EPHA7: variants seen among roughly 807,000 people sequenced by gnomAD.
The protein encoded by EPHA7 is EPH receptor A7, also known as ephrin type-A receptor 7.
A neutral mutation model predicts 112.6 loss-of-function variants in EPHA7; 25 were observed. That is an observed-to-expected ratio of 0.22 (90% CI 0.16 to 0.31). The LOEUF is 0.31. EPHA7 is among the 10% of genes least tolerant of loss of function. EPHA7 has a pLI of 1.00. For missense variants in EPHA7, 962 were observed against 1,212.6 expected (o/e 0.79, Z 3.07); for synonymous variants, 437 against 406.5 (o/e 1.07, Z -0.90).
chr6:93,414,820 T>C (rs920818164), intron 1 of EPHA7, 53 bp from the exon 2 acceptor site: 3 of 1,383,080 alleles, frequency 2.2e-6, no homozygotes, highest in Non-Finnish European at 3.1e-6. Context: ...TACGCACACA[T>C]GTAGACATTT....
chr6:93,353,462 C>A (rs1775794025), intron 5 of EPHA7, among the ~76,000 whole-genome samples: 1 of 151,994 alleles, frequency 6.6e-6, no homozygotes, highest in African/African-American at 2.4e-5. Flanking sequence ...TTTTTACAGG[C>A]CAAACAAAAT....
intron 5 of EPHA7, among the ~76,000 whole-genome samples, chr6:93,302,100 TCTCTTCTATAACC>T (rs1773015826): frequency 6.6e-6 from 1 of 152,130 alleles, no homozygotes; most frequent in Admixed American, 6.6e-5. Flanking sequence ...TCCTTGCTCT[TCTCTTCTATAACC>T]TTGAAAGTCT....
At position 93,358,506 on chromosome 6, in the gene EPHA7, G is replaced by T. The variant is rs866867749; in HGVS notation, c.833-95C>A. On this transcript the variant is annotated intron_variant, in intron 3 of 16. Transcript: ENST00000369303. ...TTTAGCAAGGAATCAAATATTAAAT[G>T]TGATGTATGTAAAACAAGCTCTTGA... 1.5e-4 allele frequency: 159 copies of T among 1,040,148 alleles called. No individual in the cohort carries two copies. The Middle Eastern group carries it at 2.5e-3, about 16-fold the overall frequency. 64.4% of individuals were successfully genotyped at this position (1,040,148 alleles called of 1,614,324 possible). A position where few individuals can be genotyped will look rare whatever the true frequency, so the allele number is the denominator to read the frequency against.
chr6:93,353,837 A>G (rs1009703733), intron 5 of EPHA7, among the ~76,000 whole-genome samples: 2 of 152,040 alleles, frequency 1.3e-5, no homozygotes, highest in South Asian at 2.1e-4. Context: ...CAATGGCCCT[A>G]TTCTTCCTGT....
intron 5 of EPHA7, among the ~76,000 whole-genome samples, chr6:93,308,999 A>G (rs1773398209): frequency 6.6e-6 from 1 of 151,026 alleles, no homozygotes; most frequent in Non-Finnish European, 1.5e-5. Context: ...CCCAGGCTGG[A>G]GTGCAATGGC....
intron 5 of EPHA7, among the ~76,000 whole-genome samples, chr6:93,345,687 T>G (rs1037259722): frequency 2.0e-5 from 3 of 151,772 alleles, no homozygotes; most frequent in African/African-American, 7.2e-5. Context: ...GTAACAATCA[T>G]GCTTTAGCAG....
rs116458360 is a variant in EPHA7 at position 93,264,971 on chromosome 6, G to A, written c.1634-269C>T. Among the ~76,000 whole-genome samples the A allele has an allele frequency of 5.7e-3, 868 of 151,706 alleles. 10 individuals carry two copies. Among genetic ancestry groups the A allele is most frequent in the African/African-American group, 0.019 (797 of 41,476 alleles). On this transcript the variant is annotated intron_variant, in intron 7 of 16. Coordinates refer to ENST00000369303, the MANE Select transcript of EPHA7 (RefSeq NM_004440.4). Reference sequence around the variant, plus strand: ...TTATATTCCTGCTTAGTTGTTGAAAGCTTAGTTATAAATCAAGAGATAGAC... The same window carrying A: ...TTATATTCCTGCTTAGTTGTTGAAAACTTAGTTATAAATCAAGAGATAGAC...
chr6:93,417,158 G>T (rs1217095766), intron 1 of EPHA7, among the ~76,000 whole-genome samples: 3 of 152,174 alleles, frequency 2.0e-5, no homozygotes, highest in Non-Finnish European at 4.4e-5. Flanking sequence ...TCCCTGTAGC[G>T]ATGATAACTG....
intron 5 of EPHA7, among the ~76,000 whole-genome samples, chr6:93,334,763 AGGTTAAACG>A (rs1774775959): frequency 6.6e-6 from 1 of 152,116 alleles, no homozygotes; most frequent in Non-Finnish European, 1.5e-5. Flanking sequence ...ACAAATATCA[AGGTTAAACG>A]AGTGATGCAA....
intron 13 of EPHA7, among the ~76,000 whole-genome samples, chr6:93,255,253 C>T (rs1770387733): frequency 6.6e-6 from 1 of 152,010 alleles, no homozygotes; most frequent in Non-Finnish European, 1.5e-5. Context: ...AAGGCTGAGG[C>T]AGGAGCATTG....
At chr6:93,261,078 C>T (rs1056171584) in intron 9 of EPHA7, among the ~76,000 whole-genome samples, 1 of 151,604 alleles carries the variant, frequency 6.6e-6, no homozygotes, top group African/African-American at 2.4e-5. Flanking sequence ...AACATTTTGA[C>T]AGACCAGAGC....
chr6:93,245,144 T>A (rs540283889), intron 16 of EPHA7, among the ~76,000 whole-genome samples, 154 bp downstream of exon 16: 15 of 152,228 alleles, frequency 9.9e-5, no homozygotes, highest in Non-Finnish European at 2.2e-4. Flanking sequence ...TTTAGTATAA[T>A]GCCTGGTACG....
intron 5 of EPHA7, among the ~76,000 whole-genome samples, chr6:93,298,794 C>T (rs1772810166): frequency 6.6e-6 from 1 of 152,048 alleles, no homozygotes; most frequent in Non-Finnish European, 1.5e-5. Flanking sequence ...AATAAAATTC[C>T]AATACTTTCT....
At chr6:93,311,802 TA>T (rs1367005715) in intron 5 of EPHA7, among the ~76,000 whole-genome samples, 12 of 152,288 alleles carry the variant, frequency 7.9e-5, no homozygotes, top group African/African-American at 2.9e-4. Flanking sequence ...ATGTATTTAT[TA>T]AAAAAGACTT....
chr6:93,325,561 T>G (rs955089787), intron 5 of EPHA7, among the ~76,000 whole-genome samples: 2 of 151,236 alleles, frequency 1.3e-5, no homozygotes, highest in African/African-American at 4.8e-5. Flanking sequence ...TTTTCTAATC[T>G]TACCAAAATA....
intron 3 of EPHA7, chr6:93,409,509 GTTA>G (rs1401529618): frequency 6.6e-6 from 1 of 151,936 alleles, no homozygotes; most frequent in Non-Finnish European, 1.5e-5. Context: ...AGTTATAATA[GTTA>G]TTATTATCAG....
chr6:93,306,241 C>T (rs3857470), intron 5 of EPHA7, among the ~76,000 whole-genome samples: 7,079 of 151,800 alleles, frequency 0.047, 199 homozygotes, highest in African/African-American at 0.069. Flanking sequence ...GCTGATAGGC[C>T]AGAGAATGTA....
intron 15 of EPHA7, among the ~76,000 whole-genome samples, chr6:93,245,923 A>G (rs1018213350): frequency 6.6e-6 from 1 of 152,244 alleles, no homozygotes; most frequent in Non-Finnish European, 1.5e-5. Context: ...AAACCAGAGC[A>G]TCAATCTTAC....
chr6:93,248,775 T>C (rs1770074982), intron 14 of EPHA7, among the ~76,000 whole-genome samples: 4 of 152,166 alleles, frequency 2.6e-5, no homozygotes, highest in Admixed American at 2.6e-4. Context: ...CACAGCTCAC[T>C]GCAGCCTTGA....
Sources: gnomAD v4.1 joint callset for allele counts (sites outside exome capture counted in the v4.1 genomes callset) on GRCh38, gnomAD v4.1.1 for gene constraint, MANE v1.5 for transcripts, NCBI Gene and HGNC (gene_info 2026-07-23, HGNC 2026-07-21) for gene names.